Variants in CAMTA1 observed in about 807,000 individuals in gnomAD.
CAMTA1 encodes the protein calmodulin binding transcription activator 1, also known as calmodulin-binding transcription activator 1.
A neutral mutation model predicts 170.9 loss-of-function variants in CAMTA1; 27 were observed. The observed-to-expected ratio is 0.16, with a 90% CI of 0.12 to 0.22. CAMTA1 has a LOEUF of 0.22. Ranked by LOEUF, CAMTA1 falls within the 10% of genes least tolerant of loss-of-function variation. CAMTA1 has a pLI of 1.00. For synonymous variants in CAMTA1, 833 were observed against 891.5 expected (o/e 0.93, Z 1.17); for missense variants, 1,619 against 2,217.2 (o/e 0.73, Z 5.42).
rs2096176117 is a variant in CAMTA1, at chr1:7,680,266, C to G, written c.2914+2533C>G. 1 of 223,732 alleles carries G rather than the reference C, an allele frequency of 4.5e-6. No individual in the cohort carries two copies. The highest frequency in any genetic ancestry group is 2.4e-5 in the African/African-American group (1 of 42,244). 13.9% of individuals were successfully genotyped at this position (223,732 alleles called of 1,614,324 possible). ...CCTCCCGGCCCCTCCCCTCGGTCTC[C>G]GCAGCTTCTCGGCTCAGCCCCTCCC... On this transcript the variant is annotated intron_variant, in intron 11 of 22. Coordinates refer to ENST00000303635, the MANE Select transcript of CAMTA1 (RefSeq NM_015215.4). The surrounding 1 kb of genome is among the most constrained non-coding windows in gnomAD (Gnocchi z 4.4).
intron 21 of CAMTA1, among the ~76,000 whole-genome samples, chr1:7,752,937 G>A (rs2096907747): frequency 6.6e-6 from 1 of 152,190 alleles, no homozygotes; most frequent in Non-Finnish European, 1.5e-5. Flanking sequence ...CTCAAGGAAG[G>A]GAAAGAAAAC....
At chr1:7,614,309 G>A (rs555781235) in intron 6 of CAMTA1, among the ~76,000 whole-genome samples, 26 of 152,202 alleles carry the variant, frequency 1.7e-4, no homozygotes, top group South Asian at 1.0e-3. Context: ...GAGCTCTGGC[G>A]TGGAGCTTCC....
At chr1:6,831,343 A>G (rs574807746) in intron 3 of CAMTA1, among the ~76,000 whole-genome samples, 2 of 152,354 alleles carry the variant, frequency 1.3e-5, no homozygotes, top group Non-Finnish European at 2.9e-5. Context: ...GTGAACTGCT[A>G]TAAGGTTTCT....
rs70987363 is a variant in CAMTA1, at chr1:7,680,872, A to AGCAGCAGCAGCAGCAGCTGCT, written c.2914+3150_2914+3151insAGCAGCTGCTGCAGCAGCAGC. Among the ~76,000 whole-genome samples, 203 of 146,316 alleles carry AGCAGCAGCAGCAGCAGCTGCT rather than the reference A, an allele frequency of 1.4e-3. 1 individual carries two copies. Among genetic ancestry groups the AGCAGCAGCAGCAGCAGCTGCT allele is most frequent in the South Asian group, 3.7e-3 (17 of 4,554 alleles). On this transcript the variant is annotated intron_variant, in intron 11 of 22. Coordinates refer to ENST00000303635, the MANE Select transcript of CAMTA1 (RefSeq NM_015215.4). The surrounding 1 kb of genome is among the most constrained non-coding windows in gnomAD (Gnocchi z 4.4). ...CGCGCGCGCGCGCGCCAGCAGCAGC[A>AGCAGCAGCAGCAGCAGCTGCT]GCAGCAGCAGCTGCTGCGGCGAAGT...
At chr1:6,798,865 G>A (rs983113221) in intron 1 of CAMTA1, among the ~76,000 whole-genome samples, 2 of 151,978 alleles carry the variant, frequency 1.3e-5, no homozygotes, top group South Asian at 4.2e-4. Context: ...CAAAGTGCTC[G>A]GATTACAGAC....
At chr1:7,403,457 A>G (rs1325133387) in intron 5 of CAMTA1, among the ~76,000 whole-genome samples, 1 of 152,234 alleles carries the variant, frequency 6.6e-6, no homozygotes, top group Non-Finnish European at 1.5e-5. Flanking sequence ...AGTGAGAGAG[A>G]TCTCTTTAAG....
intron 4 of CAMTA1, among the ~76,000 whole-genome samples, chr1:7,120,185 C>T (rs1436633360): frequency 6.6e-6 from 1 of 152,212 alleles, no homozygotes; most frequent in African/African-American, 2.4e-5. Context: ...TGGCATAACA[C>T]AACACATGAT....
chr1:7,406,689 C>T (rs1294837756), intron 5 of CAMTA1, among the ~76,000 whole-genome samples: 1 of 152,066 alleles, frequency 6.6e-6, no homozygotes, highest in Non-Finnish European at 1.5e-5. Flanking sequence ...CATGTATACA[C>T]AAGCAGGGCT....
intron 5 of CAMTA1, among the ~76,000 whole-genome samples, chr1:7,355,399 TAAAAC>T (rs1311647832): frequency 4.6e-5 from 7 of 151,874 alleles, no homozygotes; most frequent in African/African-American, 1.7e-4. Context: ...CAAAACAAAA[TAAAAC>T]AAACAGAAAA....
intron 7 of CAMTA1, among the ~76,000 whole-genome samples, chr1:7,654,742 TAC>T (rs1311365334): frequency 2.3e-4 from 14 of 61,062 alleles, no homozygotes; most frequent in East Asian, 3.1e-3. Flanking sequence ...CACACACCTA[TAC>T]ACACACATAT....
At chr1:7,720,949 T>C (rs987277570) in intron 11 of CAMTA1, among the ~76,000 whole-genome samples, 2 of 152,222 alleles carry the variant, frequency 1.3e-5, no homozygotes, top group African/African-American at 4.8e-5. Flanking sequence ...CTCACTGGTA[T>C]ATGAGCCACC....
intron 6 of CAMTA1, among the ~76,000 whole-genome samples, chr1:7,515,581 G>T (rs1397987491): frequency 6.6e-6 from 1 of 152,154 alleles, no homozygotes; most frequent in Admixed American, 6.5e-5. Context: ...AGGATTTGGG[G>T]CTGCCTCTTA....
intron 1 of CAMTA1, among the ~76,000 whole-genome samples, chr1:6,798,113 C>T (rs1460840492): frequency 6.6e-6 from 1 of 151,464 alleles, no homozygotes; most frequent in Non-Finnish European, 1.5e-5. Flanking sequence ...TCTCCTGCCT[C>T]GCCCCCCAAG....
At chr1:7,419,747 T>A (rs2149306686) in intron 5 of CAMTA1, among the ~76,000 whole-genome samples, 1 of 152,252 alleles carries the variant, frequency 6.6e-6, no homozygotes, top group Non-Finnish European at 1.5e-5. Context: ...AGCCTCCTCC[T>A]GTCATCCCAC....
In CAMTA1 at chr1:7,206,676, T is replaced by C. The variant is rs1300965003; in HGVS notation, c.303-42815T>C. On this transcript the variant is annotated intron_variant, in intron 4 of 22. Transcript: ENST00000303635. ...GATGGACATTTAGATTGTTTCCCAT[T>C]TGTTGAAGTTGTCAAGTAGTTTTCC... Among the ~76,000 whole-genome samples the C allele has an allele frequency of 3.9e-5, 6 of 152,244 alleles. No homozygotes were observed. In the East Asian group the frequency reaches 1.2e-3, roughly 29 times the overall value.
intron 3 of CAMTA1, among the ~76,000 whole-genome samples, chr1:7,040,858 TGGG>T (rs57988483): frequency 0.14 from 21,371 of 151,972 alleles, 2,021 homozygotes; most frequent in African/African-American, 0.27. Flanking sequence ...CTCGAGTAGC[TGGG>T]ACCACAGATG....
chr1:7,339,942 C>G (rs1179023513), intron 5 of CAMTA1, among the ~76,000 whole-genome samples: 1 of 152,134 alleles, frequency 6.6e-6, no homozygotes, highest in East Asian at 1.9e-4. Context: ...TATCTTGTCT[C>G]CAGCAGACAT....
chr1:7,149,016 G>A (rs1357797124), intron 4 of CAMTA1, among the ~76,000 whole-genome samples: 1 of 152,224 alleles, frequency 6.6e-6, no homozygotes, highest in Non-Finnish European at 1.5e-5. Context: ...TTCCTGCCCT[G>A]TGGGCACATT....
At chr1:6,802,578 T>G (rs1643991591) in intron 1 of CAMTA1, among the ~76,000 whole-genome samples, 1 of 151,928 alleles carries the variant, frequency 6.6e-6, no homozygotes, top group Admixed American at 6.6e-5. Flanking sequence ...CCTAAAGGAG[T>G]GTCTTATGTT....
Sources: gnomAD v4.1 joint callset for allele counts (sites outside exome capture counted in the v4.1 genomes callset) on GRCh38, gnomAD v4.1.1 for gene constraint, Gnocchi (gnomAD v3.1) non-coding constraint, MANE v1.5 for transcripts, NCBI Gene and HGNC (gene_info 2026-07-23, HGNC 2026-07-21) for gene names.